Variants in BDP1 observed in about 807,000 individuals in gnomAD.
BDP1 encodes transcription factor TFIIIB component B'' homolog.
A neutral mutation model predicts 266.6 loss-of-function variants in BDP1; 169 were observed. That is an observed-to-expected ratio of 0.63 (90% CI 0.56 to 0.72). The LOEUF is 0.72. Among genes scored for constraint, BDP1 ranks in the 30% least tolerant of loss-of-function variants. The pLI, the probability that BDP1 is intolerant of heterozygous loss-of-function variation, is 0.00. For missense variants in BDP1, 3,015 were observed against 3,053.8 expected, an observed-to-expected ratio of 0.99 and a Z score of 0.30; for synonymous variants, 1,090 against 1,022.4, an observed-to-expected ratio of 1.07 and a Z score of -1.26.
intron 7 of BDP1, among the ~76,000 whole-genome samples, chr5:71,480,031 G>A (rs1762847283): frequency 1.3e-5 from 2 of 151,816 alleles, no homozygotes; most frequent in South Asian, 2.1e-4. Context: ...TGCAACCTCC[G>A]CCTCCCAGGT....
intron 7 of BDP1, among the ~76,000 whole-genome samples, chr5:71,472,011 G>A (rs1381310877): frequency 6.6e-6 from 1 of 152,234 alleles, no homozygotes; most frequent in Non-Finnish European, 1.5e-5. Flanking sequence ...TTAAAATTCT[G>A]TGAAGGCTAG....
Position 71,522,891 on chromosome 5 carries a change from G to A in BDP1, c.5329G>A (p.Val1777Ile). The A allele has an allele frequency of 6.2e-7, 1 of 1,610,844 alleles. No homozygotes were observed. Among genetic ancestry groups the A allele is most frequent in the Non-Finnish European group, 8.5e-7 (1 of 1,178,906 alleles). ...ATCAAGAAGGGTTGGAGAGGAAACT[G>A]TAGGAGATAATTCACCATCTTCAGT... The part of the protein sequence containing the change: ...GPSRRVGEET[V>I]GDNSPSSVVE... Residue 1777 changes from valine to isoleucine, a missense_variant, in exon 24 of 39, where the codon GTA becomes ATA. This residue lies in a region of BDP1 where 2,383 missense variants were observed against 2,404.9 expected (regional missense o/e 0.99). Coordinates refer to ENST00000358731, the MANE Select transcript of BDP1 (RefSeq NM_018429.3).
intron 38 of BDP1, among the ~76,000 whole-genome samples, chr5:71,563,208 C>T (rs1490126981): frequency 6.6e-5 from 10 of 152,134 alleles, no homozygotes; most frequent in Admixed American, 6.6e-4. Flanking sequence ...AGTGCAGTGG[C>T]GTGATCTTGG....
Position 71,513,307 on chromosome 5 carries a change from C to T in BDP1, c.4370C>T (p.Ser1457Leu). ...GCTTTGAAGAGAGAGACTACAGAAT[C>T]AGAAAAATATATATATGAGAAGAAA... is the stretch of plus-strand genomic sequence containing the variant. ...RAALKRETTE[S>L]EKYIYEKKSE... is the part of the protein sequence containing the mutation. The change falls in exon 19 of 39, where the codon TCA becomes TTA. Residue 1457 changes from serine (S) to leucine (L), a missense_variant. This residue lies in a region of BDP1 where 2,383 missense variants were observed against 2,404.9 expected (regional missense o/e 0.99). Coordinates refer to ENST00000358731, the MANE Select transcript of BDP1 (RefSeq NM_018429.3). 1 of 1,610,004 alleles carries T rather than the reference C, an allele frequency of 6.2e-7. No homozygotes were observed. Among genetic ancestry groups the T allele is most frequent in the African/African-American group, 1.3e-5 (1 of 74,730 alleles).
chr5:71,479,933 C>A (rs201568304), intron 7 of BDP1, among the ~76,000 whole-genome samples: 2 of 51,582 alleles, frequency 3.9e-5, no homozygotes, highest in Non-Finnish European at 1.0e-4. Context: ...TTTTGGTCTC[C>A]GTCACGGGTT....
At chr5:71,515,883 G>C (rs1580121863) in intron 20 of BDP1, among the ~76,000 whole-genome samples, 178 bp from the exon 21 acceptor site, 1 of 152,082 alleles carries the variant, frequency 6.6e-6, no homozygotes, top group South Asian at 2.1e-4. Context: ...TTTAAGAATT[G>C]ACATAACTGT....
In BDP1 at chr5:71,458,802, T is replaced by C. The variant is rs376066536; in HGVS notation, c.436T>C (p.Tyr146His). ...GCCATGCTCAGACAGATACCGAATA[T>C]ACAAAGCCCAGAAACTGAGGGAAAT... ...KQPCSDRYRI[Y>H]KAQKLREMLK... Residue 146 changes from tyrosine to histidine, a missense_variant, in exon 2 of 39, where the codon TAC becomes CAC. Tyr to His is a moderately conservative substitution (Grantham distance 83). Coordinates refer to ENST00000358731, the MANE Select transcript of BDP1 (RefSeq NM_018429.3). 2.0e-5 allele frequency: 32 copies of C among 1,613,894 alleles called. No homozygotes were observed. Among genetic ancestry groups the C allele is most frequent in the Non-Finnish European group, 2.6e-5 (31 of 1,179,974 alleles).
At position 71,458,727 on chromosome 5, in the gene BDP1, A is replaced by G. The variant is rs551457266; in HGVS notation, c.361A>G (p.Ile121Val). ...TTCAGAATCTCATCCCTTATCTACA[A>G]TTAATCAAGAGGCTCCACAGCCAAC... is the stretch of plus-strand genomic sequence containing the variant. ...VPSESHPLST[I>V]NQEAPQPTAT... is the part of the protein sequence containing the mutation. Residue 121 changes from isoleucine to valine, a missense_variant, in exon 2 of 39, where the codon ATT becomes GTT. By Grantham distance (29) the Ile-to-Val change is conservative. Coordinates refer to ENST00000358731, the MANE Select transcript of BDP1 (RefSeq NM_018429.3). 1.4e-5 allele frequency: 22 copies of G among 1,614,184 alleles called. No individual in the cohort carries two copies. The South Asian group carries it at 1.8e-4, about 13-fold the overall frequency.
chr5:71,575,407 C>G, the BDP1 span, among the ~76,000 whole-genome samples: 1 of 152,172 alleles, frequency 6.6e-6, no homozygotes, highest in Non-Finnish European at 1.5e-5. Context: ...GAGAAGCTGA[C>G]GCAACTTCAG....
chr5:71,522,501 G>GAAAAAAA lies in BDP1; in HGVS notation c.5193+11_5193+12insAAAAAAA. ...CAGCTCCTTCTAAAAGTAAGTTTGG[G>GAAAAAAA]CAAAAAAAAAAAAAAAATTTTTTTT... On this transcript the variant is annotated intron_variant, in intron 23 of 38. Transcript: ENST00000358731. 6.8e-7 allele frequency: 1 copy of GAAAAAAA among 1,472,224 alleles called. No homozygotes were observed. Among genetic ancestry groups the GAAAAAAA allele is most frequent in the Non-Finnish European group, 9.0e-7 (1 of 1,105,738 alleles). 91.2% of individuals were successfully genotyped at this position (1,472,224 alleles called of 1,614,324 possible). A position where few individuals can be genotyped will look rare whatever the true frequency, so the allele number is the denominator to read the frequency against.
rs964369825 is a variant in BDP1 at position 71,553,612 on chromosome 5, C to T, written c.7200+292C>T. On this transcript the variant is annotated intron_variant, in intron 35 of 38. Transcript: ENST00000358731. ...ATATATGTCTGGATCTTGGCTCTAC[C>T]ACCTAGTAGCTGTAACACCTTAGGC... Among the ~76,000 whole-genome samples the T allele has an allele frequency of 3.3e-5, 5 of 152,254 alleles. 1 individual carries two copies. Among genetic ancestry groups the T allele is most frequent in the South Asian group, 4.1e-4 (2 of 4,824 alleles).
rs758488867 is a variant in BDP1 at position 71,562,743 on chromosome 5, A to G, written c.7743+223A>G. 1.2e-5 allele frequency: 17 copies of G among 1,441,346 alleles called. No individual in the cohort carries two copies. The South Asian group carries it at 1.9e-4, about 16-fold the overall frequency. The allele number at this position is 1,441,346 out of a possible 1,614,324, so 89.3% of individuals were successfully genotyped here. A position where few individuals can be genotyped will look rare whatever the true frequency, so the allele number is the denominator to read the frequency against. On this transcript the variant is annotated intron_variant, in intron 38 of 38. Coordinates refer to ENST00000358731, the MANE Select transcript of BDP1 (RefSeq NM_018429.3). The stretch of plus-strand genomic sequence containing the variant: ...TACAGAGCCATTGAACTAACCATAA[A>G]TGGACACTTAATAGCCATTCCTTTA...
In BDP1 at chr5:71,459,381, G is replaced by A. The variant is rs114847187; in HGVS notation, c.489+526G>A. Among the ~76,000 whole-genome samples the A allele has an allele frequency of 4.1e-3, 626 of 152,198 alleles. 9 individuals carry two copies. Among genetic ancestry groups the A allele is most frequent in the African/African-American group, 0.014 (585 of 41,506 alleles). On this transcript the variant is annotated intron_variant, in intron 2 of 38. Transcript: ENST00000358731. The stretch of plus-strand genomic sequence containing the variant: ...ACAAAAATTAGCTGGGCCTGGTGAC[G>A]TGCATCTGTAATCCCAACTACTGGG...
chr5:71,502,907 A>G, intron 15 of BDP1, 116 bp downstream of exon 15: 1 of 814,464 alleles, frequency 1.2e-6, no homozygotes, highest in Non-Finnish European at 1.9e-6. Context: ...TTATTTATTT[A>G]TGACGGAGTC....
At position 71,556,923 on chromosome 5, in the gene BDP1, C is replaced by A; in HGVS notation, c.7238C>A (p.Thr2413Lys). The A allele has an allele frequency of 6.9e-7, 1 of 1,447,932 alleles. No homozygotes were observed. Among genetic ancestry groups the A allele is most frequent in the South Asian group, 1.5e-5 (1 of 67,716 alleles). The allele number at this position is 1,447,932 out of a possible 1,614,324, so 89.7% of individuals were successfully genotyped here. The change falls in exon 36 of 39, where the codon ACA becomes AAA. Residue 2413 changes from threonine to lysine, a missense_variant and splice_region_variant. Thr to Lys is a moderately conservative substitution (Grantham distance 78, BLOSUM62 -1). This residue lies in a region of BDP1 where 629 missense variants were observed against 632.5 expected (regional missense o/e 0.99). Transcript: ENST00000358731. ...GAATTAACAAATGTTTTTGAGGAAACAGGTAAGTGAAATACATTTTAACAT... is the reference window on the plus strand; with the variant it reads ...GAATTAACAAATGTTTTTGAGGAAAAAGGTAAGTGAAATACATTTTAACAT... ...SKELTNVFEE[T>K]GESHKGQDIF...
intron 22 of BDP1, among the ~76,000 whole-genome samples, chr5:71,521,866 G>T (rs779531041): frequency 1.3e-5 from 2 of 151,946 alleles, no homozygotes; most frequent in African/African-American, 4.8e-5. Flanking sequence ...GTATCGAGTT[G>T]GTTATAACTG....
intron 2 of BDP1, among the ~76,000 whole-genome samples, chr5:71,459,112 C>T (rs1047800739): frequency 7.2e-5 from 11 of 152,122 alleles, no homozygotes; most frequent in East Asian, 5.8e-4. Context: ...AAGTTTCATA[C>T]GCATACACAT....
intron 34 of BDP1, 55 bp downstream of exon 34, chr5:71,549,661 G>A: frequency 7.0e-7 from 1 of 1,422,800 alleles, no homozygotes; most frequent in South Asian, 1.5e-5. Context: ...TATGAACTAA[G>A]TAGCATTGAT....
intron 32 of BDP1, among the ~76,000 whole-genome samples, chr5:71,546,617 C>CAAAAAAA (rs70992980): frequency 1.7e-5 from 1 of 57,762 alleles, no homozygotes; most frequent in Non-Finnish European, 2.8e-5. Flanking sequence ...GACTCTGTCT[C>CAAAAAAA]AAAAAAAAAA....
Sources: gnomAD v4.1 joint callset for allele counts (sites outside exome capture counted in the v4.1 genomes callset) on GRCh38, gnomAD v4.1.1 for gene constraint, gnomAD v4.1.1 regional missense constraint, MANE v1.5 for transcripts, NCBI Gene and HGNC (gene_info 2026-07-23, HGNC 2026-07-21) for gene names.